The following ROR1 variants were observed in gnomAD, a reference collection of about 807,000 sequenced individuals.
The protein encoded by ROR1 is ROR family WNT receptor 1, also known as inactive tyrosine-protein kinase transmembrane receptor ROR1.
ROR1 carries 19 observed loss-of-function variants against 78.8 expected under a neutral mutation model. The ratio of observed to expected loss-of-function variants is 0.24; its 90% CI spans 0.17 to 0.35. The LOEUF is 0.35. Among genes scored for constraint, ROR1 ranks in the 10% least tolerant of loss-of-function variants. ROR1 has a pLI of 1.00. For missense variants in ROR1, 917 were observed against 1,177.8 expected (o/e 0.78, Z 3.24); for synonymous variants, 386 against 433.6 (o/e 0.89, Z 1.36).
rs188026964 is a variant in ROR1, at chr1:63,955,393, A to T, written c.92-53912A>T. On this transcript the variant is annotated intron_variant, in intron 1 of 8. Coordinates refer to ENST00000371079, the MANE Select transcript of ROR1 (RefSeq NM_005012.4). ...AACCTTATCTCAATTTTGAATCAGA[A>T]ATCTTATTTATAGCTTTTCTGGAGA... 7.9e-5 allele frequency among the ~76,000 whole-genome samples: 12 copies of T among 152,222 alleles called. No homozygotes were observed. The East Asian group carries it at 2.3e-3, about 29-fold the overall frequency.
chr1:63,873,092 C>A (rs965578641), intron 1 of ROR1, among the ~76,000 whole-genome samples: 1 of 152,012 alleles, frequency 6.6e-6, no homozygotes. Flanking sequence ...TCTCCTCCCC[C>A]CAAATCGAGG....
Position 63,807,874 on chromosome 1 carries a change from C to T in ROR1, c.91+33366C>T, listed in dbSNP as rs185388585. 2.2e-3 allele frequency among the ~76,000 whole-genome samples: 337 copies of T among 152,198 alleles called. 1 individual carries two copies. The highest frequency in any genetic ancestry group is 7.4e-3 in the African/African-American group (309 of 41,510). ...GACACTTTTCAGTTCATAGTAATAA[C>T]TGAGTTTCTTGAGGGGAGGGACTGA... On this transcript the variant is annotated intron_variant, in intron 1 of 8. Coordinates refer to ENST00000371079, the MANE Select transcript of ROR1 (RefSeq NM_005012.4).
At chr1:64,020,680 GC>G (rs1553152021) in intron 2 of ROR1, among the ~76,000 whole-genome samples, 4 of 152,174 alleles carry the variant, frequency 2.6e-5, no homozygotes, top group Non-Finnish European at 1.5e-5. Flanking sequence ...GGGTTTGAGG[GC>G]TTACAGCTCC....
chr1:63,810,355 A>G (rs1279881555), intron 1 of ROR1, among the ~76,000 whole-genome samples: 1 of 152,160 alleles, frequency 6.6e-6, no homozygotes, highest in African/African-American at 2.4e-5. Context: ...TGAATCTCTT[A>G]TGTGCATTGG....
At chr1:64,145,746 A>T (rs1187266323) in intron 7 of ROR1, among the ~76,000 whole-genome samples, 1 of 152,196 alleles carries the variant, frequency 6.6e-6, no homozygotes, top group Non-Finnish European at 1.5e-5. Flanking sequence ...AAGGTATGAG[A>T]GTCTGCAAGA....
In ROR1 at chr1:64,049,978, G is replaced by C; in HGVS notation, c.451G>C (p.Gly151Arg). 6.2e-7 allele frequency: 1 copy of C among 1,614,090 alleles called. No homozygotes were observed. The change falls in exon 3 of 9, where the codon GGC (glycine) becomes CGC (arginine). Residue 151 changes from glycine to arginine, a missense_variant and splice_region_variant. Coordinates refer to ENST00000371079, the MANE Select transcript of ROR1 (RefSeq NM_005012.4). ...CACTGGAGTCTTGTTTGTCAAGTTT[G>C]GTAAGCAGACCCCTACTGGGGATGG... Reference protein sequence around the residue: ...SSTGVLFVKFGPPPTASPGYS... With the variant: ...SSTGVLFVKFRPPPTASPGYS...
intron 1 of ROR1, among the ~76,000 whole-genome samples, chr1:63,793,973 T>C (rs1370272395): frequency 6.6e-6 from 1 of 152,128 alleles, no homozygotes; most frequent in Non-Finnish European, 1.5e-5. Flanking sequence ...TGTGTGCACC[T>C]AGGATTAGAT....
intron 1 of ROR1, among the ~76,000 whole-genome samples, chr1:63,813,071 A>G (rs1363752577): frequency 1.3e-5 from 2 of 152,242 alleles, no homozygotes; most frequent in African/African-American, 4.8e-5. Context: ...TGGCAAAAAA[A>G]AAAAAAGTTG....
chr1:64,029,179 C>T (rs1373422352), intron 2 of ROR1, among the ~76,000 whole-genome samples: 3 of 152,102 alleles, frequency 2.0e-5, no homozygotes, highest in Admixed American at 6.6e-5. Flanking sequence ...ACCTACCATC[C>T]TTCTGTGAAT....
chr1:63,983,741 G>T (rs1646229486), intron 1 of ROR1, among the ~76,000 whole-genome samples: 1 of 152,128 alleles, frequency 6.6e-6, no homozygotes, highest in Non-Finnish European at 1.5e-5. Context: ...TAATATTGCG[G>T]TTGAGTGGAG....
At chr1:64,174,174 G>A (rs1016229809) in intron 8 of ROR1, among the ~76,000 whole-genome samples, 4 of 152,070 alleles carry the variant, frequency 2.6e-5, no homozygotes, top group African/African-American at 4.8e-5. Context: ...TTCATACATC[G>A]TTGTATTTAA....
intron 1 of ROR1, among the ~76,000 whole-genome samples, chr1:63,980,262 AC>A (rs1646199222): frequency 6.6e-6 from 1 of 152,044 alleles, no homozygotes; most frequent in Admixed American, 6.5e-5. Context: ...GGTTCAAGGA[AC>A]TAGCCCAGGG....
chr1:63,961,537 A>G (rs555449015), intron 1 of ROR1, among the ~76,000 whole-genome samples: 2 of 152,318 alleles, frequency 1.3e-5, no homozygotes, highest in African/African-American at 4.8e-5. Flanking sequence ...ATTTGTGGCA[A>G]CATGGGTGAG....
chr1:64,136,238 G>A (rs1649096730), intron 4 of ROR1, among the ~76,000 whole-genome samples: 1 of 152,118 alleles, frequency 6.6e-6, no homozygotes, highest in South Asian at 2.1e-4. Context: ...TGGCTCAGAG[G>A]GCTCAGACAG....
At chr1:64,141,432 G>A (rs186723216) in intron 6 of ROR1, among the ~76,000 whole-genome samples, 24 of 152,154 alleles carry the variant, frequency 1.6e-4, no homozygotes, top group Admixed American at 8.5e-4. Flanking sequence ...ACAGTACCAC[G>A]GGGGGTTTGT....
intron 4 of ROR1, among the ~76,000 whole-genome samples, chr1:64,082,589 G>A (rs777060754): frequency 2.7e-4 from 41 of 152,272 alleles, no homozygotes; most frequent in Non-Finnish European, 5.1e-4. Context: ...CTTGGGGATC[G>A]GCCATACCAT....
chr1:64,137,778 G>A lies in ROR1; in HGVS notation c.610+282G>A, dbSNP rs535904902. On this transcript the variant is annotated intron_variant, in intron 5 of 8. Transcript: ENST00000371079. Reference sequence around the variant, plus strand: ...TTTCACCGTACCAGGAACTGAATCTGAATGGGAGAGGTGATGGTGTGTAAA... The same window carrying A: ...TTTCACCGTACCAGGAACTGAATCTAAATGGGAGAGGTGATGGTGTGTAAA... Among the ~76,000 whole-genome samples the A allele has an allele frequency of 2.6e-5, 4 of 152,332 alleles. 1 individual carries two copies. Among genetic ancestry groups the A allele is most frequent in the African/African-American group, 9.6e-5 (4 of 41,586 alleles).
chr1:63,961,242 A>G (rs1208129869), intron 1 of ROR1, among the ~76,000 whole-genome samples: 1 of 152,196 alleles, frequency 6.6e-6, no homozygotes, highest in Non-Finnish European at 1.5e-5. Flanking sequence ...TGGTGGAGAT[A>G]TAAATTAGTA....
intron 1 of ROR1, among the ~76,000 whole-genome samples, chr1:63,924,958 A>C (rs1322759356): frequency 7.2e-6 from 1 of 137,940 alleles, no homozygotes; most frequent in Admixed American, 7.2e-5. Context: ...TTTTTTTTTA[A>C]GAAAAAACTT....
Sources: gnomAD v4.1 joint callset for allele counts (sites outside exome capture counted in the v4.1 genomes callset) on GRCh38, gnomAD v4.1.1 for gene constraint, MANE v1.5 for transcripts, NCBI Gene and HGNC (gene_info 2026-07-23, HGNC 2026-07-21) for gene names.